The following ZNF766 variants were observed in gnomAD, a reference collection of about 807,000 sequenced individuals.
ZNF766 encodes the protein zinc finger protein 766.
A neutral mutation model predicts 13.2 loss-of-function variants in ZNF766; 13 were observed. The ratio of observed to expected loss-of-function variants is 0.98; its 90% CI spans 0.64 to 1.56. ZNF766 has a LOEUF of 1.56. ZNF766 is among the 40% of genes most tolerant of loss of function. The pLI, the probability that ZNF766 is intolerant of heterozygous loss-of-function variation, is 0.00. For missense variants in ZNF766, 521 were observed against 552.2 expected (o/e 0.94, Z 0.57); for synonymous variants, 178 against 187.6 (o/e 0.95, Z 0.42).
intron 3 of ZNF766, among the ~76,000 whole-genome samples, chr19:52,283,799 G>A (rs929095382): frequency 6.6e-6 from 1 of 152,128 alleles, no homozygotes; most frequent in Non-Finnish European, 1.5e-5. Context: ...GTGCAATGGC[G>A]TGATCTCAGC....
intron 3 of ZNF766, among the ~76,000 whole-genome samples, chr19:52,286,188 T>C (rs78367338): frequency 0.061 from 8,957 of 145,678 alleles, 765 homozygotes; most frequent in African/African-American, 0.17. Flanking sequence ...AGTGGGCTTT[T>C]CCCCCCTAAT....
At chr19:52,272,722 CCCTT>C (rs1754159772) in intron 1 of ZNF766, among the ~76,000 whole-genome samples, 4 of 152,130 alleles carry the variant, frequency 2.6e-5, no homozygotes, top group Admixed American at 2.6e-4. Flanking sequence ...ACACACACTA[CCCTT>C]CCTTATCATC....
intron 1 of ZNF766, among the ~76,000 whole-genome samples, chr19:52,275,766 C>T (rs1431366248): frequency 1.4e-5 from 2 of 144,238 alleles, no homozygotes; most frequent in African/African-American, 5.4e-5. Context: ...CTGCAACCTC[C>T]GCCTCCTGGG....
Position 52,293,607 on chromosome 19 carries a change from C to G in ZNF766, c.*2409C>G, listed in dbSNP as rs1414099892. 7.6e-6 allele frequency: 1 copy of G among 130,842 alleles called. No homozygotes were observed. Among genetic ancestry groups the G allele is most frequent in the Non-Finnish European group, 1.7e-5 (1 of 58,276 alleles). 8.1% of individuals were successfully genotyped at this position (130,842 alleles called of 1,614,324 possible). ...TAGTACTTAAGTTATTCTCTCTACT[C>G]TTTGTTTTTGTTTTTTGTTTGTTTT... On this transcript the variant is annotated 3_prime_UTR_variant, in exon 4 of 4. Transcript: ENST00000439461.
chr19:52,278,150 T>C (rs904395744), intron 1 of ZNF766, among the ~76,000 whole-genome samples: 3 of 151,858 alleles, frequency 2.0e-5, no homozygotes, highest in Admixed American at 2.0e-4. Flanking sequence ...TTTTTGAATT[T>C]TTGGTAGAGA....
rs1982087376 is a variant in ZNF766 at position 52,290,624 on chromosome 19, A to T, written c.833A>T (p.Lys278Met). ...CCTTACAAATGTAATGAGTGTGGCA[A>T]GGTCTTCAGTCGAATTACATACCTT... The part of the protein sequence containing the change: ...ESPYKCNECG[K>M]VFSRITYLVR... Residue 278 changes from lysine (K) to methionine (M), a missense_variant, in exon 4 of 4, where the codon AAG becomes ATG. Coordinates refer to ENST00000439461, the MANE Select transcript of ZNF766 (RefSeq NM_001010851.3). The T allele has an allele frequency of 6.2e-7, 1 of 1,614,096 alleles. No individual in the cohort carries two copies. Among genetic ancestry groups the T allele is most frequent in the Non-Finnish European group, 8.5e-7 (1 of 1,179,972 alleles).
intron 1 of ZNF766, chr19:52,281,844 C>A: frequency 1.9e-6 from 1 of 534,702 alleles, no homozygotes; most frequent in African/African-American, 1.9e-5. Flanking sequence ...AAGTAGTTGG[C>A]GTCTTCAGAG....
intron 2 of ZNF766, chr19:52,282,492 C>G (rs1289046213): frequency 3.6e-6 from 1 of 280,024 alleles, no homozygotes; most frequent in Admixed American, 4.9e-5. Context: ...AAAAATTAGC[C>G]AGGTGTCACG....
intron 1 of ZNF766, chr19:52,275,676 C>CTTTTT (rs201395857): frequency 7.3e-6 from 1 of 136,364 alleles, no homozygotes; most frequent in Non-Finnish European, 1.6e-5. Context: ...TTTTTTCTTT[C>CTTTTT]TTTTTTTTTT....
At chr19:52,277,561 A>T in intron 1 of ZNF766, 1 of 1,556,426 alleles carries the variant, frequency 6.4e-7, no homozygotes, top group Non-Finnish European at 8.6e-7. Flanking sequence ...TATTCTCAGT[A>T]GATTGTTCTG....
intron 1 of ZNF766, among the ~76,000 whole-genome samples, chr19:52,278,609 G>A (rs28852381): frequency 0.2 from 30,029 of 151,964 alleles, 3,155 homozygotes; most frequent in Middle Eastern, 0.27. Flanking sequence ...TCACCATGGT[G>A]GCCAGGCTGG....
At position 52,282,123 on chromosome 19, in the gene ZNF766, T is replaced by C. The variant is rs751514761; in HGVS notation, c.31T>C (p.Phe11Leu). Residue 11 changes from phenylalanine to leucine, a missense_variant, in exon 2 of 4, where the codon TTC (phenylalanine) becomes CTC (leucine). Transcript: ENST00000439461. ...TCTTTTATTTTAGGGACACTTGACA[T>C]TCAGGGACGTGGCCATAGAATTCTC... is the stretch of plus-strand genomic sequence containing the variant. MAQLRRGHLT[F>L]RDVAIEFSQE... is the part of the protein sequence containing the mutation. 2 of 1,602,644 alleles carry C rather than the reference T, an allele frequency of 1.2e-6. No individual in the cohort carries two copies. Among genetic ancestry groups the C allele is most frequent in the East Asian group, 4.5e-5 (2 of 44,540 alleles).
chr19:52,282,360 G>T, intron 2 of ZNF766, 123 bp downstream of exon 2: 3 of 1,239,102 alleles, frequency 2.4e-6, no homozygotes, highest in Non-Finnish European at 3.3e-6. Flanking sequence ...ACTTGGCTGG[G>T]CACGGTGGCT....
intron 1 of ZNF766, chr19:52,277,068 G>A: frequency 1.0e-6 from 1 of 992,356 alleles, no homozygotes; most frequent in Non-Finnish European, 1.2e-6. Context: ...TTTCCACAGG[G>A]TGAGGTCTTC....
chr19:52,275,892 G>A (rs1191558633), intron 1 of ZNF766, among the ~76,000 whole-genome samples: 1 of 152,086 alleles, frequency 6.6e-6, no homozygotes, highest in African/African-American at 2.4e-5. Flanking sequence ...TGTTAGCCAG[G>A]CTGGTCTCGA....
intron 3 of ZNF766, chr19:52,284,779 C>T (rs1457736859): frequency 6.6e-6 from 1 of 151,926 alleles, no homozygotes; most frequent in Non-Finnish European, 1.5e-5. Flanking sequence ...CAGTGAAACA[C>T]TTCGTTATGT....
chr19:52,271,052 C>G (rs1980952824), intron 1 of ZNF766, among the ~76,000 whole-genome samples: 1 of 152,142 alleles, frequency 6.6e-6, no homozygotes, highest in Non-Finnish European at 1.5e-5. Flanking sequence ...TCCCATAGTG[C>G]TGGGATAACA....
intron 1 of ZNF766, among the ~76,000 whole-genome samples, chr19:52,271,688 G>C (rs1232894971): frequency 1.3e-5 from 2 of 152,202 alleles, no homozygotes; most frequent in South Asian, 2.1e-4. Flanking sequence ...GGCTGGGTGC[G>C]ATGGCTCACG....
rs1236849298 is a variant in ZNF766, at chr19:52,295,385, T to C, written c.*4187T>C. 1.3e-5 allele frequency: 2 copies of C among 152,268 alleles called. No individual in the cohort carries two copies. The highest frequency in any genetic ancestry group is 2.9e-5 in the Non-Finnish European group (2 of 68,080). The allele number at this position is 152,268 out of a possible 1,614,324, so 9.4% of individuals were successfully genotyped here. ...TTGTAATAGAGATGGGGTTTCACCA[T>C]GTTGGCCAGGCATGGTCTTGAACTC... On this transcript the variant is annotated 3_prime_UTR_variant, in exon 4 of 4. Coordinates refer to ENST00000439461, the MANE Select transcript of ZNF766 (RefSeq NM_001010851.3).
Sources: gnomAD v4.1 joint callset for allele counts (sites outside exome capture counted in the v4.1 genomes callset) on GRCh38, gnomAD v4.1.1 for gene constraint, MANE v1.5 for transcripts, NCBI Gene and HGNC (gene_info 2026-07-23, HGNC 2026-07-21) for gene names.